Variants in WWOX observed in about 807,000 individuals in gnomAD.
WWOX encodes the protein WW domain-containing oxidoreductase.
WWOX carries 69 observed loss-of-function variants against 46.2 expected under a neutral mutation model. That is an observed-to-expected ratio of 1.49 (90% CI 1.23 to 1.82). The LOEUF is 1.82. Among genes scored for constraint, WWOX ranks in the 40% most tolerant of loss-of-function variants. WWOX has a pLI of 0.00. For missense variants in WWOX, 919 were observed against 542.6 expected (o/e 1.69, Z -6.89); for synonymous variants, 359 against 202.6 (o/e 1.77, Z -6.56).
At chr16:78,387,472 T>C (rs1055689416) in intron 6 of WWOX, among the ~76,000 whole-genome samples, 5 of 152,106 alleles carry the variant, frequency 3.3e-5, no homozygotes, top group African/African-American at 1.2e-4. Flanking sequence ...TTTTCAGTCT[T>C]TCAAAATTCC....
chr16:78,639,407 T>C (rs1254938039), intron 8 of WWOX, among the ~76,000 whole-genome samples: 2 of 152,210 alleles, frequency 1.3e-5, no homozygotes, highest in Non-Finnish European at 2.9e-5. Context: ...TCTCTCACTT[T>C]GCAGATGAGG....
chr16:79,057,181 T>C (rs975921897), intron 8 of WWOX, among the ~76,000 whole-genome samples: 1 of 152,008 alleles, frequency 6.6e-6, no homozygotes, highest in Non-Finnish European at 1.5e-5. Context: ...GAAGTGGCGT[T>C]ATAGTTCTCC....
intron 5 of WWOX, among the ~76,000 whole-genome samples, chr16:78,249,548 G>C (rs1183275431): frequency 1.3e-5 from 2 of 152,160 alleles, no homozygotes; most frequent in African/African-American, 4.8e-5. Flanking sequence ...AGCAGCCTGG[G>C]CTGAGTTTTT....
chr16:78,773,882 A>T (rs1162653177), intron 8 of WWOX, among the ~76,000 whole-genome samples: 2 of 152,196 alleles, frequency 1.3e-5, no homozygotes, highest in Non-Finnish European at 2.9e-5. Context: ...CATCATTCGC[A>T]TACTTGTATG....
chr16:78,507,138 C>G (rs188995708), intron 8 of WWOX, among the ~76,000 whole-genome samples: 5 of 152,242 alleles, frequency 3.3e-5, no homozygotes, highest in Non-Finnish European at 7.3e-5. Context: ...ATTCATTCAA[C>G]CAACAGAGAA....
At chr16:79,141,131 A>G (rs937771461) in intron 8 of WWOX, among the ~76,000 whole-genome samples, 1 of 152,206 alleles carries the variant, frequency 6.6e-6, no homozygotes, top group East Asian at 1.9e-4. Flanking sequence ...GTTCACTGAG[A>G]TAAATACATA....
At chr16:78,680,277 C>T (rs572433444) in intron 8 of WWOX, among the ~76,000 whole-genome samples, 1 of 152,208 alleles carries the variant, frequency 6.6e-6, no homozygotes, top group East Asian at 1.9e-4. Context: ...GGTGTGGTGG[C>T]ATGCATCTGC....
intron 8 of WWOX, chr16:78,691,400 C>A: frequency 1.5e-6 from 1 of 650,334 alleles, no homozygotes; most frequent in Admixed American, 2.3e-5. Flanking sequence ...CTACAGGGTG[C>A]TTTAGAAAAC....
At chr16:78,539,208 T>C (rs927492968) in intron 8 of WWOX, among the ~76,000 whole-genome samples, 4 of 152,362 alleles carry the variant, frequency 2.6e-5, no homozygotes, top group African/African-American at 7.2e-5. Flanking sequence ...TCAATAAATA[T>C]GTGTTCAACT....
intron 8 of WWOX, among the ~76,000 whole-genome samples, chr16:78,502,061 C>G (rs1211112166): frequency 6.6e-6 from 1 of 152,188 alleles, no homozygotes; most frequent in Non-Finnish European, 1.5e-5. Context: ...GCCAACTTCT[C>G]TGGATGCTAA....
intron 8 of WWOX, chr16:78,553,224 G>T: frequency 6.6e-6 from 1 of 152,290 alleles, no homozygotes; most frequent in South Asian, 2.1e-4. Flanking sequence ...AAACCACCAT[G>T]GCACAGGTTT....
intron 8 of WWOX, among the ~76,000 whole-genome samples, chr16:78,744,167 T>C (rs1308166812): frequency 5.3e-5 from 8 of 152,068 alleles, no homozygotes; most frequent in Admixed American, 4.6e-4. Flanking sequence ...GATCAGAAGG[T>C]CCGTAAAGGT....
At position 79,067,859 on chromosome 16, in the gene WWOX, C is replaced by G. The variant is rs142739597; in HGVS notation, c.1057-143749C>G. Among the ~76,000 whole-genome samples the G allele has an allele frequency of 4.6e-3, 704 of 152,322 alleles. 6 individuals carry two copies. The highest frequency in any genetic ancestry group is 0.016 in the African/African-American group (676 of 41,574). On this transcript the variant is annotated intron_variant, in intron 8 of 8. Transcript: ENST00000566780. Reference sequence around the variant, plus strand: ...ATCTGCAAATGAAAAGTCCTTCCTTCTCTTCCCTTCTGGAACCTTCCAAAG... The same window carrying G: ...ATCTGCAAATGAAAAGTCCTTCCTTGTCTTCCCTTCTGGAACCTTCCAAAG...
chr16:78,452,885 A>T (rs2083726808), intron 8 of WWOX, among the ~76,000 whole-genome samples: 1 of 149,936 alleles, frequency 6.7e-6, no homozygotes, highest in Admixed American at 6.6e-5. Flanking sequence ...ATATATACAT[A>T]TTTTTGAGAG....
intron 8 of WWOX, among the ~76,000 whole-genome samples, chr16:78,558,292 C>G (rs2044355080): frequency 1.3e-5 from 2 of 152,206 alleles, no homozygotes; most frequent in South Asian, 4.1e-4. Context: ...ATCCTAGAAG[C>G]TGCAAATTGC....
intron 4 of WWOX, among the ~76,000 whole-genome samples, chr16:78,139,593 T>G (rs929196558): frequency 6.6e-6 from 1 of 152,074 alleles, no homozygotes; most frequent in Admixed American, 6.6e-5. Flanking sequence ...TGCAGCGAGC[T>G]GAGATTGCGC....
At chr16:78,962,094 G>C (rs139851182) in intron 8 of WWOX, among the ~76,000 whole-genome samples, 2 of 152,116 alleles carry the variant, frequency 1.3e-5, no homozygotes, top group Admixed American at 6.5e-5. Flanking sequence ...TTTGGAAAGG[G>C]ACAGTCTTAG....
intron 8 of WWOX, among the ~76,000 whole-genome samples, chr16:79,169,241 C>G (rs1288238718): frequency 1.3e-5 from 2 of 149,980 alleles, no homozygotes; most frequent in Non-Finnish European, 3.0e-5. Flanking sequence ...TTTTCTGACT[C>G]TAGACAGTAG....
At chr16:79,135,613 A>G (rs1420801356) in intron 8 of WWOX, among the ~76,000 whole-genome samples, 3 of 152,202 alleles carry the variant, frequency 2.0e-5, no homozygotes, top group East Asian at 1.9e-4. Context: ...TTGTGGACCA[A>G]TGAGATGTAC....
Sources: gnomAD v4.1 joint callset for allele counts (sites outside exome capture counted in the v4.1 genomes callset) on GRCh38, gnomAD v4.1.1 for gene constraint, MANE v1.5 for transcripts, NCBI Gene and HGNC (gene_info 2026-07-23, HGNC 2026-07-21) for gene names.